PALM2AKAP2: variants seen among roughly 807,000 people sequenced by gnomAD.
PALM2AKAP2 encodes PALM2 and AKAP2 fusion.
Under a neutral mutation model 71.5 loss-of-function variants are expected in PALM2AKAP2, and 37 were observed. The ratio of observed to expected loss-of-function variants is 0.52; its 90% confidence interval spans 0.40 to 0.68. PALM2AKAP2 has a LOEUF of 0.68. Among genes scored for constraint, PALM2AKAP2 ranks in the 30% least tolerant of loss-of-function variants. The probability of loss-of-function intolerance (pLI) is 0.00; values close to 1 mark genes in which losing one functional copy is unlikely to be tolerated. For missense variants in PALM2AKAP2, 1,224 were observed against 1,191.8 expected (o/e 1.03, Z -0.40); for synonymous variants, 468 against 478.8 (o/e 0.98, Z 0.29).
At chr9:109,767,424 C>T (rs909323169) in intron 1 of PALM2AKAP2, among the ~76,000 whole-genome samples, 2 of 152,230 alleles carry the variant, frequency 1.3e-5, no homozygotes, top group African/African-American at 4.8e-5. Context: ...GAGGCTGTTG[C>T]CCCATCTACC....
At chr9:109,692,126 T>C (rs190637487) in intron 1 of PALM2AKAP2, among the ~76,000 whole-genome samples, 6 of 151,132 alleles carry the variant, frequency 4.0e-5, no homozygotes, top group African/African-American at 1.2e-4. Context: ...ATAAAATTTA[T>C]CCCTGTAAAG....
At chr9:109,768,781 T>G (rs1310465328) in intron 1 of PALM2AKAP2, among the ~76,000 whole-genome samples, 2 of 152,202 alleles carry the variant, frequency 1.3e-5, no homozygotes, top group Non-Finnish European at 2.9e-5. Flanking sequence ...TAAAGCACTT[T>G]GAATGAATTC....
rs530208669 is a variant in PALM2AKAP2 at position 109,809,494 on chromosome 9, C to T, written c.45+28961C>T. ...TTGGAATGGGTATATTTACCTAATG[C>T]CTGTACCCCCATTGTATCTAGGAAA... On this transcript the variant is annotated intron_variant, in intron 1 of 9. Coordinates refer to the PALM2AKAP2 transcript ENST00000302798. Among the ~76,000 whole-genome samples the T allele has an allele frequency of 3.9e-5, 6 of 152,326 alleles. No homozygotes were observed. In the East Asian group the frequency reaches 1.2e-3, roughly 29 times the overall value.
At chr9:110,154,330 A>T (rs533091804) in intron 2 of PALM2AKAP2, among the ~76,000 whole-genome samples, 1 of 152,314 alleles carries the variant, frequency 6.6e-6, no homozygotes, top group East Asian at 1.9e-4. Flanking sequence ...TTCAAGCCCA[A>T]ACCGGCTGGC....
In PALM2AKAP2 at chr9:109,952,567, G is replaced by A. The variant is rs114362208; in HGVS notation, c.496+20539G>A. Among the ~76,000 whole-genome samples, 888 of 152,294 alleles carry A rather than the reference G, an allele frequency of 5.8e-3. 11 individuals carry two copies. Among genetic ancestry groups the A allele is most frequent in the African/African-American group, 0.02 (839 of 41,556 alleles). ...TGACAAGAGTTTCAACCAATAGAAC[G>A]TGGAGGAAATGCAAGAACATCTTGT... is the stretch of plus-strand genomic sequence containing the variant. On this transcript the variant is annotated intron_variant, in intron 6 of 9. Transcript: ENST00000302798.
intron 1 of PALM2AKAP2, among the ~76,000 whole-genome samples, chr9:109,666,442 T>C (rs1048661272): frequency 6.6e-6 from 1 of 152,066 alleles, no homozygotes; most frequent in African/African-American, 2.4e-5. Context: ...AATGGAAGGG[T>C]ATAGGAAGGG....
chr9:110,097,747 C>T (rs2118846126), intron 1 of PALM2AKAP2, among the ~76,000 whole-genome samples: 1 of 144,632 alleles, frequency 6.9e-6, no homozygotes, highest in South Asian at 2.1e-4. Flanking sequence ...CTCCTCACTT[C>T]CCAGACGGGG....
chr9:109,811,731 C>T (rs1229046499), intron 1 of PALM2AKAP2, among the ~76,000 whole-genome samples: 1 of 152,104 alleles, frequency 6.6e-6, no homozygotes, highest in African/African-American at 2.4e-5. Context: ...GCCACCATGC[C>T]TGGCTAATTA....
chr9:109,652,368 G>C (rs1416805973), intron 1 of PALM2AKAP2, among the ~76,000 whole-genome samples: 1 of 152,060 alleles, frequency 6.6e-6, no homozygotes, highest in Non-Finnish European at 1.5e-5. Context: ...GTTTAACAGA[G>C]CCTGGCACCT....
chr9:109,810,056 G>A (rs1827687447), intron 1 of PALM2AKAP2, among the ~76,000 whole-genome samples: 1 of 152,164 alleles, frequency 6.6e-6, no homozygotes, highest in African/African-American at 2.4e-5. Flanking sequence ...ACCCCCGAAG[G>A]CCCTACCTAA....
chr9:109,895,091 A>G (rs1450229230), intron 3 of PALM2AKAP2, among the ~76,000 whole-genome samples: 1 of 152,198 alleles, frequency 6.6e-6, no homozygotes. Context: ...AGCCAGTCAG[A>G]TTTTCCTGGC....
At chr9:109,925,135 AG>A in intron 5 of PALM2AKAP2, 53 bp downstream of exon 5, 3 of 1,612,052 alleles carry the variant, frequency 1.9e-6, no homozygotes, top group Non-Finnish European at 2.5e-6. Flanking sequence ...TGGTCAGCTT[AG>A]GGGGTTTCAT....
intron 3 of PALM2AKAP2, among the ~76,000 whole-genome samples, chr9:109,886,994 A>G (rs796072955): frequency 8.5e-5 from 13 of 152,328 alleles, no homozygotes; most frequent in African/African-American, 3.1e-4. Flanking sequence ...AGCAGCTTTT[A>G]AAAAATCAGG....
intron 1 of PALM2AKAP2, among the ~76,000 whole-genome samples, chr9:110,068,484 G>GT (rs1180617237): frequency 6.8e-6 from 1 of 147,542 alleles, no homozygotes; most frequent in Non-Finnish European, 1.5e-5. Flanking sequence ...TGGGTCTGAG[G>GT]TTTTCTCTAC....
chr9:109,647,595 G>T (rs2132229576), intron 1 of PALM2AKAP2, among the ~76,000 whole-genome samples: 1 of 152,178 alleles, frequency 6.6e-6, no homozygotes, highest in South Asian at 2.1e-4. Flanking sequence ...CCAAATCCTT[G>T]ACAACCCTAG....
chr9:109,956,736 T>C (rs1158497586), intron 6 of PALM2AKAP2, among the ~76,000 whole-genome samples: 1 of 152,178 alleles, frequency 6.6e-6, no homozygotes, highest in Admixed American at 6.5e-5. Context: ...AATAGCCAGG[T>C]TAGAGAGGTG....
chr9:109,811,805 T>A (rs947944886), intron 1 of PALM2AKAP2, among the ~76,000 whole-genome samples: 8 of 152,194 alleles, frequency 5.3e-5, no homozygotes, highest in Non-Finnish European at 7.4e-5. Context: ...ACTCCTGGCC[T>A]CAAGCCATCC....
chr9:110,168,684 T>G (rs1412984335), exon 4 of PALM2AKAP2: 2 of 692,528 alleles, frequency 2.9e-6, no homozygotes. Flanking sequence ...CATCAGACTC[T>G]GGACACCCAG....
intron 1 of PALM2AKAP2, among the ~76,000 whole-genome samples, chr9:109,652,804 G>T (rs1187753110): frequency 6.6e-6 from 1 of 152,130 alleles, no homozygotes; most frequent in Non-Finnish European, 1.5e-5. Flanking sequence ...AACATAGTTG[G>T]TCAGGTAATT....
Sources: gnomAD v4.1 joint callset for allele counts (sites outside exome capture counted in the v4.1 genomes callset) on GRCh38, gnomAD v4.1.1 for gene constraint, MANE v1.5 for transcripts, NCBI Gene and HGNC (gene_info 2026-07-23, HGNC 2026-07-21) for gene names.